Variants in EML5 observed in about 807,000 individuals in gnomAD.
The protein encoded by EML5 is EMAP like 5.
EML5 carries 120 observed loss-of-function variants against 250.0 expected under a neutral mutation model. That is an observed-to-expected ratio of 0.48 (90% CI 0.41 to 0.56). The LOEUF (loss-of-function observed/expected upper bound fraction) is 0.56, where lower values mean the gene tolerates loss of function less well. Among genes scored for constraint, EML5 ranks in the 20% least tolerant of loss-of-function variants. EML5 has a pLI of 0.00. For synonymous variants in EML5, 771 were observed against 806.5 expected, an observed-to-expected ratio of 0.96 and a Z score of 0.75; for missense variants, 2,006 against 2,437.6, an observed-to-expected ratio of 0.82 and a Z score of 3.73.
At chr14:88,698,957 C>T (rs925512569) in intron 14 of EML5, among the ~76,000 whole-genome samples, 32 of 152,062 alleles carry the variant, frequency 2.1e-4, no homozygotes, top group South Asian at 1.2e-3. Flanking sequence ...GATGAAGAAA[C>T]GAAGGTAAAG....
At chr14:88,696,714 C>G (rs1264675896) in intron 15 of EML5, 133 bp downstream of exon 15, 1 of 523,058 alleles carries the variant, frequency 1.9e-6, no homozygotes, top group Non-Finnish European at 3.3e-6. Flanking sequence ...ATAAGGATAA[C>G]AGTATACACA....
intron 1 of EML5, among the ~76,000 whole-genome samples, chr14:88,780,671 A>G (rs1439594089): frequency 6.6e-6 from 1 of 151,974 alleles, no homozygotes; most frequent in East Asian, 1.9e-4. Flanking sequence ...CGCCTCCCAG[A>G]TTCAGGCAAT....
At chr14:88,661,075 A>T (rs2092082077) in intron 25 of EML5, among the ~76,000 whole-genome samples, 1 of 152,156 alleles carries the variant, frequency 6.6e-6, no homozygotes, top group South Asian at 2.1e-4. Context: ...TGAAGTTAAT[A>T]TTGGGGATAA....
intron 27 of EML5, among the ~76,000 whole-genome samples, chr14:88,652,771 T>C (rs1480364873): frequency 6.6e-6 from 1 of 152,178 alleles, no homozygotes; most frequent in Non-Finnish European, 1.5e-5. Flanking sequence ...CAATGCTCCA[T>C]ATCCCTTTTT....
At chr14:88,766,181 G>T (rs893160513) in intron 1 of EML5, among the ~76,000 whole-genome samples, 1 of 152,086 alleles carries the variant, frequency 6.6e-6, no homozygotes, top group African/African-American at 2.4e-5. Context: ...TGCACAAATT[G>T]TTTAAACAAT....
intron 32 of EML5, among the ~76,000 whole-genome samples, chr14:88,637,240 T>C (rs1349563622): frequency 1.3e-5 from 2 of 152,216 alleles, no homozygotes; most frequent in East Asian, 1.9e-4. Context: ...AGGGTACAAA[T>C]GGTGTAAAGA....
intron 23 of EML5, among the ~76,000 whole-genome samples, 184 bp downstream of exon 23, chr14:88,664,304 AAAAAG>A (rs374841375): frequency 2.6e-5 from 4 of 151,520 alleles, no homozygotes; most frequent in African/African-American, 9.7e-5. Context: ...AAGAAAAAGG[AAAAAG>A]AAAAGTCTCA....
chr14:88,780,628 T>G (rs75446523), intron 1 of EML5, among the ~76,000 whole-genome samples: 1 of 151,920 alleles, frequency 6.6e-6, no homozygotes, highest in Non-Finnish European at 1.5e-5. Flanking sequence ...CAGGCTGGAG[T>G]GCAGAGGCGC....
Position 88,724,273 on chromosome 14 carries a change from C to CAA in EML5, c.1187+2266_1187+2267dup, listed in dbSNP as rs1158845753. On this transcript the variant is annotated intron_variant, in intron 8 of 43. Coordinates refer to ENST00000554922, the MANE Select transcript of EML5 (RefSeq NM_183387.3). ...CTTGTGACAGAGCAAGACTCCATAT[C>CAA]AAAAAAAAAAAAAAAAAAAAGTTAT... Among the ~76,000 whole-genome samples the CAA allele has an allele frequency of 2.0e-3, 162 of 80,716 alleles. 2 individuals carry two copies. The highest frequency in any genetic ancestry group is 5.0e-3 in the African/African-American group (127 of 25,386). 53.0% of individuals were successfully genotyped at this position (80,716 alleles called of 152,430 possible).
At chr14:88,761,547 T>G (rs1225465641) in intron 1 of EML5, among the ~76,000 whole-genome samples, 1 of 152,254 alleles carries the variant, frequency 6.6e-6, no homozygotes, top group Non-Finnish European at 1.5e-5. Context: ...TATGGCTGCA[T>G]AGCATTCCAT....
At chr14:88,750,699 T>C (rs764545609) in intron 2 of EML5, among the ~76,000 whole-genome samples, 1 of 152,198 alleles carries the variant, frequency 6.6e-6, no homozygotes, top group Non-Finnish European at 1.5e-5. Flanking sequence ...GAATAATTTA[T>C]ATAAAAAGAT....
intron 1 of EML5, among the ~76,000 whole-genome samples, chr14:88,776,593 G>C (rs1400222985): frequency 6.6e-6 from 1 of 151,836 alleles, no homozygotes. Context: ...AAAAAACAAT[G>C]AAGTGGGTCG....
At chr14:88,783,185 G>A (rs2140806124) in intron 1 of EML5, among the ~76,000 whole-genome samples, 1 of 152,366 alleles carries the variant, frequency 6.6e-6, no homozygotes, top group East Asian at 1.9e-4. Flanking sequence ...CTCTGCTAGG[G>A]AAGTGCATAA....
In EML5 at chr14:88,616,844, C is replaced by T. The variant is rs1254365566; in HGVS notation, c.5678G>A (p.Arg1893Lys). 2 of 1,613,900 alleles carry T rather than the reference C, an allele frequency of 1.2e-6. No homozygotes were observed. Among genetic ancestry groups the T allele is most frequent in the Admixed American group, 1.7e-5 (1 of 60,022 alleles). Residue 1893 changes from arginine (R) to lysine (K), a missense_variant, in exon 42 of 44, where the codon AGA becomes AAA. By Grantham distance (26) the Arg-to-Lys change is conservative. Around this residue, in one of 7 missense-constraint regions of EML5, gnomAD observed 405 missense variants for 523.3 expected, o/e 0.77. Coordinates refer to ENST00000554922, the MANE Select transcript of EML5 (RefSeq NM_183387.3). ...GTTGACATCAGCTTTCTCAGCATGT[C>T]TGGACCAGATTCCCAAAACCTCATC... The part of the protein sequence containing the change: ...LGDEVLGIWS[R>K]HAEKADVNCA...
intron 33 of EML5, among the ~76,000 whole-genome samples, chr14:88,630,338 A>G (rs1012991254): frequency 1.3e-5 from 2 of 151,930 alleles, no homozygotes; most frequent in Non-Finnish European, 2.9e-5. Context: ...CCTAATAAAA[A>G]CTTTATTTTA....
chr14:88,633,562 CAG>C lies in EML5; in HGVS notation c.4357+905_4357+906del, dbSNP rs1173170788. On this transcript the variant is annotated intron_variant, in intron 33 of 43. Transcript: ENST00000554922. ...AACAAAATAAAATAACAAGAGATAA[CAG>C]ATAGTGCTCAAAGTCTGTGAATTAT... 2.6e-5 allele frequency among the ~76,000 whole-genome samples: 4 copies of C among 152,138 alleles called. No homozygotes were observed. The East Asian group carries it at 7.7e-4, about 29-fold the overall frequency.
intron 31 of EML5, 91 bp from the exon 32 acceptor site, chr14:88,638,998 T>G: frequency 1.1e-6 from 1 of 920,006 alleles, no homozygotes; most frequent in Non-Finnish European, 1.6e-6. Context: ...CTCTTTAACT[T>G]ATTTGCTTAT....
intron 7 of EML5, among the ~76,000 whole-genome samples, chr14:88,734,420 G>C (rs1381269353): frequency 6.6e-6 from 1 of 151,942 alleles, no homozygotes; most frequent in Non-Finnish European, 1.5e-5. Context: ...TTCTTGAAAG[G>C]GGTTAAAAAT....
intron 1 of EML5, among the ~76,000 whole-genome samples, chr14:88,775,390 T>C (rs1299051374): frequency 1.3e-5 from 2 of 152,024 alleles, no homozygotes; most frequent in Non-Finnish European, 2.9e-5. Flanking sequence ...CCCATTGCCC[T>C]GAAAAGTGAG....
Sources: allele counts gnomAD v4.1 joint callset (sites outside exome capture counted in the v4.1 genomes callset), GRCh38; gene constraint gnomAD v4.1.1; regional missense constraint gnomAD v4.1.1; transcripts MANE v1.5; gene names NCBI Gene and HGNC (gene_info 2026-07-23, HGNC 2026-07-21).